Variants in WWOX observed in about 807,000 individuals in gnomAD.
The protein encoded by WWOX is WW domain containing oxidoreductase.
WWOX carries 69 observed loss-of-function variants against 46.2 expected under a neutral mutation model. The ratio of observed to expected loss-of-function variants is 1.49; its 90% confidence interval spans 1.23 to 1.82. The LOEUF (loss-of-function observed/expected upper bound fraction) is 1.82, where lower values mean the gene tolerates loss of function less well. Among genes scored for constraint, WWOX ranks in the 40% most tolerant of loss-of-function variants. WWOX has a pLI of 0.00. For synonymous variants in WWOX, 359 were observed against 202.6 expected, an observed-to-expected ratio of 1.77 and a Z score of -6.56; for missense variants, 919 against 542.6, an observed-to-expected ratio of 1.69 and a Z score of -6.89.
chr16:78,386,755 A>C (rs919983681), intron 5 of WWOX, 105 bp from the exon 6 acceptor site: 10 of 1,020,790 alleles, frequency 9.8e-6, no homozygotes. Context: ...GTCTTATATT[A>C]AACAGGGGAA....
At chr16:78,869,479 C>T (rs1002210217) in intron 8 of WWOX, among the ~76,000 whole-genome samples, 2 of 152,226 alleles carry the variant, frequency 1.3e-5, no homozygotes, top group African/African-American at 4.8e-5. Context: ...GCCCTCCCTC[C>T]CAGCTCATCC....
chr16:78,443,928 C>T (rs981800845), intron 8 of WWOX, among the ~76,000 whole-genome samples: 3 of 152,220 alleles, frequency 2.0e-5, no homozygotes, highest in Admixed American at 6.5e-5. Flanking sequence ...GTGATTAAAC[C>T]GAGGCCAAGA....
chr16:78,559,930 C>T (rs1478041623), intron 8 of WWOX, among the ~76,000 whole-genome samples: 1 of 152,192 alleles, frequency 6.6e-6, no homozygotes. Context: ...CCTAGCTCCC[C>T]AGCTTCTCCT....
intron 8 of WWOX, among the ~76,000 whole-genome samples, chr16:79,111,244 C>G (rs1005306711): frequency 3.3e-5 from 5 of 152,196 alleles, no homozygotes; most frequent in African/African-American, 1.2e-4. Flanking sequence ...GCAGTTCAGG[C>G]ACTGAGACCC....
intron 5 of WWOX, among the ~76,000 whole-genome samples, chr16:78,375,141 C>G (rs1451749864): frequency 6.6e-6 from 1 of 152,244 alleles, no homozygotes; most frequent in African/African-American, 2.4e-5. Context: ...TGGAGATCCT[C>G]TGAAAGATTT....
At chr16:78,944,030 A>C (rs189402442) in intron 8 of WWOX, among the ~76,000 whole-genome samples, 23 of 152,234 alleles carry the variant, frequency 1.5e-4, no homozygotes, top group Admixed American at 7.9e-4. Flanking sequence ...AAGAAAAACA[A>C]ATAAACAAAA....
chr16:78,346,513 T>C lies in WWOX; in HGVS notation c.517-40347T>C, dbSNP rs998476517. Among the ~76,000 whole-genome samples the C allele has an allele frequency of 8.3e-5, 10 of 120,430 alleles. 3 individuals are homozygous for C. Among genetic ancestry groups the C allele is most frequent in the African/African-American group, 5.6e-5 (2 of 35,448 alleles). The allele number at this position is 120,430 out of a possible 152,430, so 79.0% of individuals were successfully genotyped here. ...AAGTGGTCATCCCATTTTACATTCT[T>C]GCCAACAGTGTTTAAGGATCCACTT... On this transcript the variant is annotated intron_variant, in intron 5 of 8. Transcript: ENST00000566780.
chr16:78,357,163 A>C (rs1197386486), intron 5 of WWOX, among the ~76,000 whole-genome samples: 1 of 152,128 alleles, frequency 6.6e-6, no homozygotes, highest in African/African-American at 2.4e-5. Context: ...ACTGCAGTAA[A>C]GTTCCTGATG....
Position 78,599,163 on chromosome 16 carries a change from C to A in WWOX, c.1056+166411C>A, listed in dbSNP as rs58285281. Among the ~76,000 whole-genome samples, 3 of 152,292 alleles carry A rather than the reference C, an allele frequency of 2.0e-5. No homozygotes were observed. In the East Asian group the frequency reaches 5.8e-4, roughly 29 times the overall value. On this transcript the variant is annotated intron_variant, in intron 8 of 8. Coordinates refer to ENST00000566780, the MANE Select transcript of WWOX (RefSeq NM_016373.4). Reference sequence around the variant, plus strand: ...GCTGATGGAGACTTCATCCCCTCCTCCAGTCCCGGGATCAAGACAGAAATG... The same window carrying A: ...GCTGATGGAGACTTCATCCCCTCCTACAGTCCCGGGATCAAGACAGAAATG...
At chr16:78,502,020 G>A (rs561028413) in intron 8 of WWOX, among the ~76,000 whole-genome samples, 4 of 152,250 alleles carry the variant, frequency 2.6e-5, no homozygotes, top group African/African-American at 9.6e-5. Flanking sequence ...GCAAAAGTAA[G>A]AATTGTATCG....
intron 8 of WWOX, among the ~76,000 whole-genome samples, chr16:78,474,349 T>G (rs2084305652): frequency 6.6e-6 from 1 of 152,236 alleles, no homozygotes; most frequent in East Asian, 1.9e-4. Context: ...GCCAATAGCT[T>G]ATGTTTGCAC....
intron 8 of WWOX, among the ~76,000 whole-genome samples, chr16:78,697,322 A>G (rs1158817251): frequency 6.6e-6 from 1 of 152,190 alleles, no homozygotes; most frequent in Non-Finnish European, 1.5e-5. Flanking sequence ...TCACGCCAAT[A>G]TCTATTATTT....
At chr16:79,170,935 C>T (rs960346235) in intron 8 of WWOX, among the ~76,000 whole-genome samples, 3 of 152,140 alleles carry the variant, frequency 2.0e-5, no homozygotes, top group South Asian at 2.1e-4. Context: ...ATTTTTAATA[C>T]ATTGACTTAT....
chr16:79,109,188 A>G (rs1353300205), intron 8 of WWOX, among the ~76,000 whole-genome samples: 1 of 152,110 alleles, frequency 6.6e-6, no homozygotes, highest in Non-Finnish European at 1.5e-5. Context: ...CTCTGTGTAA[A>G]CTGTACTAAG....
At chr16:78,481,113 A>G (rs1378250492) in intron 8 of WWOX, among the ~76,000 whole-genome samples, 1 of 152,252 alleles carries the variant, frequency 6.6e-6, no homozygotes, top group Non-Finnish European at 1.5e-5. Flanking sequence ...CATTATTTTT[A>G]AAGATGAACA....
intron 4 of WWOX, among the ~76,000 whole-genome samples, chr16:78,141,835 A>T (rs1470800716): frequency 1.3e-5 from 2 of 152,132 alleles, no homozygotes; most frequent in East Asian, 3.9e-4. Flanking sequence ...AAACAATGGA[A>T]ATTTCCTAAA....
intron 5 of WWOX, among the ~76,000 whole-genome samples, chr16:78,328,945 T>C (rs1335995546): frequency 1.3e-5 from 2 of 152,194 alleles, no homozygotes; most frequent in African/African-American, 2.4e-5. Context: ...CACTGCAGCC[T>C]CTGCCCCCTG....
At position 78,106,584 on chromosome 16, in the gene WWOX, T is replaced by C. The variant is rs180949987; in HGVS notation, c.108-1839T>C. 4.6e-3 allele frequency among the ~76,000 whole-genome samples: 696 copies of C among 152,006 alleles called. 2 individuals are homozygous for C. Among genetic ancestry groups the C allele is most frequent in the Middle Eastern group, 0.014 (4 of 294 alleles). On this transcript the variant is annotated intron_variant, in intron 1 of 8. Transcript: ENST00000566780. ...GGCATGTGCCACCACGCCAGGCTAA[T>C]TTTGTATTTTTAGTAGAGACAGGGT... is the stretch of plus-strand genomic sequence containing the variant.
chr16:78,329,392 C>T (rs1321564931), intron 5 of WWOX, among the ~76,000 whole-genome samples: 1 of 152,154 alleles, frequency 6.6e-6, no homozygotes, highest in Non-Finnish European at 1.5e-5. Flanking sequence ...CAACCTCCAC[C>T]ACGAAGGTTC....
Sources: gnomAD v4.1 joint callset for allele counts (sites outside exome capture counted in the v4.1 genomes callset) on GRCh38, gnomAD v4.1.1 for gene constraint, MANE v1.5 for transcripts, NCBI Gene and HGNC (gene_info 2026-07-23, HGNC 2026-07-21) for gene names.